Variants in COL4A2 observed in about 807,000 individuals in gnomAD.
COL4A2 encodes the protein collagen alpha-2(IV) chain.
In COL4A2, 99 loss-of-function variants were observed where a neutral mutation model predicts 200.2. The observed-to-expected ratio is 0.49, with a 90% CI of 0.42 to 0.58. COL4A2 has a LOEUF of 0.58. Among genes scored for constraint, COL4A2 ranks in the 20% least tolerant of loss-of-function variants. COL4A2 has a pLI of 0.00. For synonymous variants in COL4A2, 897 were observed against 900.6 expected (o/e 1.00, Z 0.07); for missense variants, 1,950 against 2,314.1 (o/e 0.84, Z 3.23).
chr13:110,333,324 G>A (rs1485817110), intron 3 of COL4A2, among the ~76,000 whole-genome samples: 1 of 152,192 alleles, frequency 6.6e-6, no homozygotes, highest in Non-Finnish European at 1.5e-5. Context: ...AACATTAGGA[G>A]TCCCACACCT....
intron 4 of COL4A2, among the ~76,000 whole-genome samples, chr13:110,402,758 G>C (rs1224610071): frequency 1.3e-5 from 2 of 152,266 alleles, no homozygotes; most frequent in Non-Finnish European, 2.9e-5. Flanking sequence ...TGGGGCCTCT[G>C]TTGTTGGCCC....
intron 45 of COL4A2, 65 bp downstream of exon 45, chr13:110,504,329 G>T: frequency 2.2e-6 from 3 of 1,388,142 alleles, no homozygotes; most frequent in Non-Finnish European, 2.0e-6. Flanking sequence ...ACAGACTGTG[G>T]TCTGCAGGAA....
chr13:110,474,083 T>C (rs1274808453), intron 29 of COL4A2, among the ~76,000 whole-genome samples: 2 of 152,200 alleles, frequency 1.3e-5, no homozygotes, highest in African/African-American at 4.8e-5. Flanking sequence ...GCTATGATCA[T>C]TCCACTGCAC....
chr13:110,454,774 G>A (rs1047880899), intron 20 of COL4A2, among the ~76,000 whole-genome samples: 8 of 152,178 alleles, frequency 5.3e-5, no homozygotes, highest in South Asian at 2.1e-4. Context: ...TCACTCGCTC[G>A]TTTCCTCTCT....
rs74691859 is a variant in COL4A2, at chr13:110,339,478, G to A, written c.100-17994G>A. On this transcript the variant is annotated intron_variant, in intron 3 of 47. Coordinates refer to ENST00000360467, the MANE Select transcript of COL4A2 (RefSeq NM_001846.4). ...AGCCTGGCCGGTCAGTCTCAAACGA[G>A]TTTACTGCCTCCGACCCAATTGTGA... is the stretch of plus-strand genomic sequence containing the variant. 2.0e-5 allele frequency among the ~76,000 whole-genome samples: 3 copies of A among 152,262 alleles called. No individual in the cohort carries two copies. The East Asian group carries it at 5.8e-4, about 29-fold the overall frequency.
chr13:110,457,417 G>A lies in COL4A2; in HGVS notation c.1414G>A (p.Gly472Arg), dbSNP rs1465203402. ...GCTTCCCGGCTCCCCTGGAGCCCGC[G>A]GACCAAAGGGGTGGAAAGGTAAGAA... ...PGLPGSPGAR[G>R]PKGWKGDAGE... Residue 472 changes from glycine (G) to arginine (R), a missense_variant, in exon 21 of 48, where the codon GGA becomes AGA. Physicochemically the swap from Gly to Arg is moderately radical, Grantham distance 125. Around this residue, in one of 2 missense-constraint regions of COL4A2, gnomAD observed 1,385 missense variants for 1,720.5 expected, o/e 0.80. Transcript: ENST00000360467. The A allele has an allele frequency of 1.4e-5, 23 of 1,605,974 alleles. No individual in the cohort carries two copies. Among genetic ancestry groups the A allele is most frequent in the Non-Finnish European group, 1.7e-5 (20 of 1,172,784 alleles).
intron 4 of COL4A2, among the ~76,000 whole-genome samples, chr13:110,412,942 G>T (rs970978749): frequency 6.6e-6 from 1 of 152,202 alleles, no homozygotes; most frequent in African/African-American, 2.4e-5. Flanking sequence ...GATAATGCAG[G>T]TGATAAAACC....
chr13:110,456,593 C>T (rs553475777), intron 20 of COL4A2: 5 of 366,436 alleles, frequency 1.4e-5, no homozygotes, highest in South Asian at 4.2e-5. Flanking sequence ...TGAAGGCTAT[C>T]GCCACAAAAT....
At chr13:110,412,457 C>A (rs150410087) in intron 4 of COL4A2, among the ~76,000 whole-genome samples, 92 of 152,306 alleles carry the variant, frequency 6.0e-4, no homozygotes, top group African/African-American at 2.2e-3. Flanking sequence ...CACGTCACTC[C>A]GAATCTGCTG....
At chr13:110,418,010 C>T (rs1262790322) in intron 4 of COL4A2, among the ~76,000 whole-genome samples, 1 of 152,046 alleles carries the variant, frequency 6.6e-6, no homozygotes, top group African/African-American at 2.4e-5. Context: ...TGCCGGCAGC[C>T]CATGGAATTC....
chr13:110,436,441 T>C lies in COL4A2; in HGVS notation c.825+74T>C. The C allele has an allele frequency of 2.6e-6, 4 of 1,518,934 alleles. No homozygotes were observed. In the South Asian group the frequency reaches 5.1e-5, roughly 19 times the overall value. The allele number at this position is 1,518,934 out of a possible 1,614,324, so 94.1% of individuals were successfully genotyped here. ...GTAAAAGTACATTTCTTCAATTGTA[T>C]TCAACCACATTCCAAGTAGAAAAAG... On this transcript the variant is annotated intron_variant, in intron 13 of 47. Transcript: ENST00000360467.
At chr13:110,346,888 G>A (rs937577167) in intron 3 of COL4A2, among the ~76,000 whole-genome samples, 7 of 152,194 alleles carry the variant, frequency 4.6e-5, no homozygotes, top group Admixed American at 1.3e-4. Context: ...GTTGACTAAG[G>A]GGAGGCCATG....
chr13:110,368,305 G>T (rs543432919), intron 4 of COL4A2, among the ~76,000 whole-genome samples: 6 of 152,274 alleles, frequency 3.9e-5, no homozygotes, highest in Non-Finnish European at 8.8e-5. Context: ...AGTCATTAAA[G>T]GTATTACATA....
In COL4A2 at chr13:110,308,152, G is replaced by A. The variant is rs762167800; in HGVS notation, c.99+29G>A. On this transcript the variant is annotated intron_variant, in intron 3 of 47. Coordinates refer to ENST00000360467, the MANE Select transcript of COL4A2 (RefSeq NM_001846.4). ...AGTCCTGGCTCCCGCGCTTGGACTT[G>A]CGCGCCCGAGAGTGGTTGGGACGTT... 1.9e-6 allele frequency: 3 copies of A among 1,612,518 alleles called. No homozygotes were observed. The South Asian group carries it at 3.3e-5, about 18-fold the overall frequency.
intron 3 of COL4A2, among the ~76,000 whole-genome samples, chr13:110,334,356 T>G (rs545222442): frequency 6.6e-6 from 1 of 152,202 alleles, no homozygotes; most frequent in Non-Finnish European, 1.5e-5. Flanking sequence ...ACCATCTGCA[T>G]GTTGGAAGTG....
chr13:110,454,821 G>A (rs144376391), intron 20 of COL4A2, among the ~76,000 whole-genome samples: 129 of 152,214 alleles, frequency 8.5e-4, no homozygotes, highest in African/African-American at 2.8e-3. Context: ...AACAGAAACC[G>A]TTAACTCGAC....
At chr13:110,420,178 C>T (rs1880193318) in intron 4 of COL4A2, among the ~76,000 whole-genome samples, 1 of 152,178 alleles carries the variant, frequency 6.6e-6, no homozygotes, top group Non-Finnish European at 1.5e-5. Flanking sequence ...TCAGCCAGCT[C>T]CCCAGATCTG....
intron 20 of COL4A2, among the ~76,000 whole-genome samples, chr13:110,456,086 C>T (rs1289101312): frequency 2.0e-5 from 3 of 152,220 alleles, no homozygotes; most frequent in African/African-American, 4.8e-5. Flanking sequence ...TTCTCCAGTG[C>T]GATGGCGCGC....
intron 4 of COL4A2, among the ~76,000 whole-genome samples, chr13:110,414,666 T>C (rs1337534468): frequency 6.6e-6 from 1 of 152,212 alleles, no homozygotes; most frequent in African/African-American, 2.4e-5. Flanking sequence ...GGGAAAATAA[T>C]CAGTTACCAA....
Sources: allele counts gnomAD v4.1 joint callset (sites outside exome capture counted in the v4.1 genomes callset), GRCh38; gene constraint gnomAD v4.1.1; regional missense constraint gnomAD v4.1.1; transcripts MANE v1.5; gene names NCBI Gene and HGNC (gene_info 2026-07-23, HGNC 2026-07-21).